TRMT11: variants seen among roughly 807,000 people sequenced by gnomAD.
TRMT11 encodes tRNA methyltransferase 11, also known as tRNA (guanine(10)-N(2))-methyltransferase TRMT11.
A neutral mutation model predicts 62.8 loss-of-function variants in TRMT11; 53 were observed. The observed-to-expected ratio is 0.84, with a 90% CI of 0.68 to 1.06. The LOEUF (loss-of-function observed/expected upper bound fraction) is 1.06. Among genes scored for constraint, TRMT11 ranks in the 50% least tolerant of loss-of-function variants. The probability of loss-of-function intolerance (pLI) is 0.00; values close to 1 mark genes in which losing one functional copy is unlikely to be tolerated. For missense variants in TRMT11, 556 were observed against 553.4 expected, an observed-to-expected ratio of 1.00 and a Z score of -0.05; for synonymous variants, 188 against 190.3, an observed-to-expected ratio of 0.99 and a Z score of 0.10.
intron 17 of TRMT11, among the ~76,000 whole-genome samples, chr6:126,057,786 G>A (rs776140478): frequency 3.9e-5 from 6 of 152,174 alleles, no homozygotes; most frequent in Non-Finnish European, 7.3e-5. Context: ...CATTTTGACA[G>A]CACTGGGGCT....
chr6:126,038,984 A>G lies in TRMT11; in HGVS notation c.*148A>G. The G allele has an allele frequency of 3.1e-6, 2 of 637,836 alleles. No homozygotes were observed. The highest frequency in any genetic ancestry group is 2.6e-5 in the South Asian group (1 of 38,606). 39.5% of individuals were successfully genotyped at this position (637,836 alleles called of 1,614,324 possible). On this transcript the variant is annotated 3_prime_UTR_variant, in exon 13 of 13. Transcript: ENST00000334379. ...ACAAAGTAAATTGAGCAATGCTTTT[A>G]AAGTTATCTTTGTTTTATAGACTTT... is the stretch of plus-strand genomic sequence containing the variant.
rs1472950630 is a variant in TRMT11 at position 126,039,189 on chromosome 6, T to C, written c.*353T>C. On this transcript the variant is annotated 3_prime_UTR_variant, in exon 13 of 13. Transcript: ENST00000334379. ...ATATGCAATTAATAGTAGTTAAGAA[T>C]TTATTCATTTGGTAGATATGTTTAT... 6.4e-6 allele frequency: 1 copy of C among 156,336 alleles called. No individual in the cohort carries two copies. The highest frequency in any genetic ancestry group is 6.5e-5 in the Admixed American group (1 of 15,364). 9.7% of individuals were successfully genotyped at this position (156,336 alleles called of 1,614,324 possible).
At chr6:126,159,054 G>A (rs888281066) in intron 21 of TRMT11, among the ~76,000 whole-genome samples, 3 of 152,086 alleles carry the variant, frequency 2.0e-5, no homozygotes, top group African/African-American at 7.2e-5. Context: ...TGATGCCAAA[G>A]GGCAGAGTGT....
At chr6:126,205,342 A>G (rs531483246), downstream of TRMT11, among the ~76,000 whole-genome samples, 1 of 152,270 alleles carries the variant, frequency 6.6e-6, no homozygotes, top group South Asian at 2.1e-4. Flanking sequence ...CGTCTCTAAT[A>G]AAAATACAAA....
chr6:126,215,493 A>G, the TRMT11 span, among the ~76,000 whole-genome samples: 1 of 152,008 alleles, frequency 6.6e-6, no homozygotes, highest in Non-Finnish European at 1.5e-5. Context: ...TTTGTCTGAT[A>G]TAAGTATAGT....
chr6:126,056,949 C>T (rs1007378937), intron 17 of TRMT11, among the ~76,000 whole-genome samples: 1 of 152,194 alleles, frequency 6.6e-6, no homozygotes, highest in Non-Finnish European at 1.5e-5. Flanking sequence ...GTTGGGCCCA[C>T]TGAGGCTTTC....
At chr6:126,083,081 A>T (rs777941964) in intron 17 of TRMT11, among the ~76,000 whole-genome samples, 4 of 152,200 alleles carry the variant, frequency 2.6e-5, no homozygotes, top group Admixed American at 2.0e-4. Context: ...CAAAGAAGAC[A>T]TAAAAATGGC....
the TRMT11 span, among the ~76,000 whole-genome samples, chr6:126,218,354 A>T: frequency 6.6e-6 from 1 of 152,332 alleles, no homozygotes; most frequent in South Asian, 2.1e-4. Flanking sequence ...CATGTCTCAG[A>T]GTCTCACACA....
chr6:126,114,701 C>G (rs771847099), intron 18 of TRMT11, among the ~76,000 whole-genome samples: 4 of 151,980 alleles, frequency 2.6e-5, no homozygotes, highest in Non-Finnish European at 5.9e-5. Context: ...TTGCTTTTTT[C>G]TAGGGCCTAC....
At position 126,013,063 on chromosome 6, in the gene TRMT11, T is replaced by C; in HGVS notation, c.1101T>C (p.Gly367=). ...TCGCAGCTGAGACCCTCGTTTTAGG[T>C]GGAAGACTAGTCTATTGGTTACCGG... ...LNFAAETLVL[G]GRLVYWLPVY... The change falls in exon 11 of 13, where the codon GGT becomes GGC. Residue 367 remains glycine, a synonymous_variant. Transcript: ENST00000334379. 6.2e-7 allele frequency: 1 copy of C among 1,613,914 alleles called. No individual in the cohort carries two copies.
chr6:126,105,515 C>G (rs560758761), intron 17 of TRMT11, among the ~76,000 whole-genome samples: 1 of 151,954 alleles, frequency 6.6e-6, no homozygotes, highest in Non-Finnish European at 1.5e-5. Flanking sequence ...CCAGATGATG[C>G]GGGGTAGAGG....
intron 17 of TRMT11, among the ~76,000 whole-genome samples, chr6:126,104,553 T>TC (rs1328633222): frequency 2.6e-5 from 4 of 152,212 alleles, no homozygotes; most frequent in African/African-American, 9.7e-5. Context: ...TATAGGACTA[T>TC]CATTTGGCTG....
At chr6:126,032,691 G>T (rs1310018225) in intron 12 of TRMT11, among the ~76,000 whole-genome samples, 1 of 152,036 alleles carries the variant, frequency 6.6e-6, no homozygotes, top group African/African-American at 2.4e-5. Flanking sequence ...GTAAGTATAT[G>T]TCTGGATGTA....
intron 17 of TRMT11, among the ~76,000 whole-genome samples, chr6:126,108,399 CCT>C (rs1777487870): frequency 6.6e-6 from 1 of 152,162 alleles, no homozygotes; most frequent in South Asian, 2.1e-4. Flanking sequence ...ACATATTTGA[CCT>C]AATAATACTA....
intron 17 of TRMT11, among the ~76,000 whole-genome samples, chr6:126,076,461 G>A (rs1410811191): frequency 6.6e-6 from 1 of 152,160 alleles, no homozygotes; most frequent in Non-Finnish European, 1.5e-5. Flanking sequence ...AGAACCTTTG[G>A]ATCAAGCACT....
At chr6:126,080,296 A>T (rs1777134581) in intron 17 of TRMT11, among the ~76,000 whole-genome samples, 1 of 151,876 alleles carries the variant, frequency 6.6e-6, no homozygotes, top group South Asian at 2.1e-4. Context: ...TTTTTGGTAG[A>T]GAAAGGGTCT....
At chr6:126,055,960 T>G (rs1776362314) in intron 17 of TRMT11, among the ~76,000 whole-genome samples, 1 of 152,190 alleles carries the variant, frequency 6.6e-6, no homozygotes, top group African/African-American at 2.4e-5. Context: ...CTCCCTGCCT[T>G]GAGACAACCA....
chr6:126,145,956 G>T (rs1343226238), intron 21 of TRMT11, among the ~76,000 whole-genome samples: 1 of 152,066 alleles, frequency 6.6e-6, no homozygotes, highest in African/African-American at 2.4e-5. Context: ...TCATCTTTGT[G>T]CTTTTAGTAT....
At chr6:126,219,764 A>G in the TRMT11 span, among the ~76,000 whole-genome samples, 1 of 152,202 alleles carries the variant, frequency 6.6e-6, no homozygotes, top group Non-Finnish European at 1.5e-5. Flanking sequence ...TACTCACACT[A>G]TATTCCTTCC....
Sources: allele counts gnomAD v4.1 joint callset (sites outside exome capture counted in the v4.1 genomes callset), GRCh38; gene constraint gnomAD v4.1.1; transcripts MANE v1.5; gene names NCBI Gene and HGNC (gene_info 2026-07-23, HGNC 2026-07-21).